Variants in C10orf88 observed in about 807,000 individuals in gnomAD.
The protein encoded by C10orf88 is chromosome 10 open reading frame 88, also known as ATPase PAAT.
A neutral mutation model predicts 34.2 loss-of-function variants in C10orf88; 29 were observed. The ratio of observed to expected loss-of-function variants is 0.85; its 90% confidence interval spans 0.63 to 1.16. The LOEUF (loss-of-function observed/expected upper bound fraction) is 1.16, where lower values mean the gene tolerates loss of function less well. C10orf88 is among the 50% of genes most tolerant of loss of function. The probability of loss-of-function intolerance (pLI) is 0.00; values close to 1 mark genes in which losing one functional copy is unlikely to be tolerated. For missense variants in C10orf88, 507 were observed against 533.2 expected, an observed-to-expected ratio of 0.95 and a Z score of 0.48; for synonymous variants, 194 against 197.4, an observed-to-expected ratio of 0.98 and a Z score of 0.15.
rs140044276 is a variant in C10orf88 at position 122,937,763 on chromosome 10, T to C, written c.1045A>G (p.Asn349Asp). The C allele has an allele frequency of 1.9e-6, 3 of 1,612,988 alleles. No individual in the cohort carries two copies. The highest frequency in any genetic ancestry group is 2.5e-6 in the Non-Finnish European group (3 of 1,179,276). Residue 349 changes from asparagine (N) to aspartate (D), a missense_variant, in exon 5 of 6, where the codon AAT becomes GAT. Transcript: ENST00000481909. ...CSQVNHLHVG[N>D]KTECQENITK... ...ATGTTTTCCTGACACTCGGTCTTATTTCCCACATGGAGATGATTAACTTGA... is the reference window on the plus strand; with the variant it reads ...ATGTTTTCCTGACACTCGGTCTTATCTCCCACATGGAGATGATTAACTTGA...
chr10:122,948,924 G>C (rs1848665557), intron 3 of C10orf88, 69 bp from the exon 4 acceptor site: 1 of 1,352,260 alleles, frequency 7.4e-7, no homozygotes. Context: ...TAACTTCTTG[G>C]TATGACCTAA....
At chr10:122,944,213 A>G (rs1405896517) in intron 4 of C10orf88, among the ~76,000 whole-genome samples, 1 of 152,022 alleles carries the variant, frequency 6.6e-6, no homozygotes, top group African/African-American at 2.4e-5. Flanking sequence ...TGGTGAGTTC[A>G]TGTCCTTTGT....
At chr10:122,941,354 G>T (rs1020510266) in intron 4 of C10orf88, among the ~76,000 whole-genome samples, 1 of 152,072 alleles carries the variant, frequency 6.6e-6, no homozygotes, top group Non-Finnish European at 1.5e-5. Flanking sequence ...AAATCACAAA[G>T]GTTTGGATTG....
chr10:122,943,794 T>C (rs1419135467), intron 4 of C10orf88, among the ~76,000 whole-genome samples: 1 of 152,186 alleles, frequency 6.6e-6, no homozygotes, highest in Non-Finnish European at 1.5e-5. Context: ...TCACTGGCCA[T>C]CAGAGAAACG....
Position 122,932,289 on chromosome 10 carries a change from C to G in C10orf88, c.*138G>C. On this transcript the variant is annotated 3_prime_UTR_variant, in exon 6 of 6. Coordinates refer to ENST00000481909, the MANE Select transcript of C10orf88 (RefSeq NM_024942.4). Reference sequence around the variant, plus strand: ...TTTAAAATAACAAGTGTAGTAAAAACGAAAACTGAGGTCACTTTGTGTAAG... The same window carrying G: ...TTTAAAATAACAAGTGTAGTAAAAAGGAAAACTGAGGTCACTTTGTGTAAG... 2 of 682,346 alleles carry G rather than the reference C, an allele frequency of 2.9e-6. No individual in the cohort carries two copies. Among genetic ancestry groups the G allele is most frequent in the East Asian group, 5.5e-5 (2 of 36,352 alleles). The allele number at this position is 682,346 out of a possible 1,614,324, so 42.3% of individuals were successfully genotyped here.
intron 3 of C10orf88, 138 bp downstream of exon 3, chr10:122,951,816 C>A: frequency 1.7e-6 from 1 of 580,518 alleles, no homozygotes. Flanking sequence ...GGCAACAGAG[C>A]AAGATACTGT....
At chr10:122,947,582 C>A (rs1038473123) in intron 4 of C10orf88, among the ~76,000 whole-genome samples, 26 of 152,300 alleles carry the variant, frequency 1.7e-4, no homozygotes, top group African/African-American at 6.0e-4. Context: ...CCGTCAGCTA[C>A]TGTGGGTACA....
chr10:122,952,845 T>A lies in C10orf88; in HGVS notation c.352A>T (p.Thr118Ser). 3 of 1,614,050 alleles carry A rather than the reference T, an allele frequency of 1.9e-6. No homozygotes were observed. Among genetic ancestry groups the A allele is most frequent in the Non-Finnish European group, 2.5e-6 (3 of 1,179,946 alleles). The change falls in exon 2 of 6, where the codon ACT (threonine) becomes TCT (serine). Residue 118 changes from threonine (T) to serine (S), a missense_variant. Physicochemically the swap from Thr to Ser is moderately conservative, Grantham distance 58. Coordinates refer to ENST00000481909, the MANE Select transcript of C10orf88 (RefSeq NM_024942.4). ...CGTSRGKNVC[T>S]VLDDSEHEKI... is the part of the protein sequence containing the mutation. ...GTCACACACCTGTCATCCAGGACAG[T>A]ACAAACATTCTTGCCCCTACTGGTT...
chr10:122,946,328 T>C (rs1036049634), intron 4 of C10orf88, among the ~76,000 whole-genome samples: 3 of 152,176 alleles, frequency 2.0e-5, no homozygotes, highest in Admixed American at 1.3e-4. Flanking sequence ...ATTTTTCATC[T>C]TGTATACTAT....
chr10:122,946,099 A>C (rs1848637416), intron 4 of C10orf88, among the ~76,000 whole-genome samples: 1 of 152,116 alleles, frequency 6.6e-6, no homozygotes, highest in African/African-American at 2.4e-5. Context: ...CTGTCGCAAA[A>C]AATAAAAAAA....
intron 4 of C10orf88, among the ~76,000 whole-genome samples, chr10:122,945,310 T>C (rs1030719180): frequency 6.6e-6 from 1 of 152,222 alleles, no homozygotes; most frequent in Non-Finnish European, 1.5e-5. Context: ...TGTACAATTA[T>C]GTATACTGTA....
intron 3 of C10orf88, 78 bp downstream of exon 3, chr10:122,951,876 C>G (rs1222103943): frequency 1.4e-5 from 12 of 877,036 alleles, no homozygotes; most frequent in African/African-American, 3.5e-5. Flanking sequence ...AATTGTATTA[C>G]TAATCCAAAA....
intron 2 of C10orf88, 23 bp from the exon 3 acceptor site, chr10:122,952,049 T>A: frequency 6.7e-6 from 8 of 1,191,178 alleles, no homozygotes; most frequent in Non-Finnish European, 9.6e-6. Flanking sequence ...AAGAATTAAT[T>A]TTTTTTACTT....
chr10:122,952,950 C>A lies in C10orf88; in HGVS notation c.247G>T (p.Gly83Ter), dbSNP rs1437512553. The A allele has an allele frequency of 6.2e-7, 1 of 1,614,074 alleles. No individual in the cohort carries two copies. Among genetic ancestry groups the A allele is most frequent in the Non-Finnish European group, 8.5e-7 (1 of 1,180,030 alleles). ...CCAATAGAAGCGATTTCTTCACCTC[C>A]ATCAGGGCCACACCTCAGGTAAAGG... ...CFLYLRCGPD[G>*]GEEIASIGIL... Residue 83 changes from glycine to a stop codon, truncating the protein, a stop_gained, in exon 2 of 6, where the codon GGA becomes TGA. Coordinates refer to ENST00000481909, the MANE Select transcript of C10orf88 (RefSeq NM_024942.4). LOFTEE classifies it high-confidence loss of function.
At chr10:122,941,366 A>C (rs1848579619) in intron 4 of C10orf88, among the ~76,000 whole-genome samples, 1 of 152,156 alleles carries the variant, frequency 6.6e-6, no homozygotes, top group South Asian at 2.1e-4. Flanking sequence ...TTTGGATTGC[A>C]TTTCAGACTC....
Position 122,937,767 on chromosome 10 carries a change from C to G in C10orf88, c.1041G>C (p.Val347=). ...TTTCCTGACACTCGGTCTTATTTCC[C>G]ACATGGAGATGATTAACTTGACTAC... The part of the protein sequence containing the change: ...NLCSQVNHLH[V]GNKTECQENI... Residue 347 remains valine, a synonymous_variant, in exon 5 of 6, where the codon GTG becomes GTC. Transcript: ENST00000481909. The G allele has an allele frequency of 1.9e-6, 3 of 1,612,972 alleles. No individual in the cohort carries two copies. In the South Asian group the frequency reaches 3.3e-5, roughly 18 times the overall value.
chr10:122,948,700 C>G lies in C10orf88; in HGVS notation c.597G>C (p.Lys199Asn). ...TCAACTGCTGAGCTCCAGGAGATAA[C>G]TTTGACCCCATGGACTCCATTATGG... ...VQTIMESMGSKLSPGAQQLMD... is the reference protein window; with the variant it reads ...VQTIMESMGSNLSPGAQQLMD... Residue 199 changes from lysine to asparagine, a missense_variant, in exon 4 of 6, where the codon AAG becomes AAC. Physicochemically the swap from Lys to Asn is moderately conservative, Grantham distance 94. Transcript: ENST00000481909. 1.9e-6 allele frequency: 3 copies of G among 1,613,986 alleles called. No individual in the cohort carries two copies. The highest frequency in any genetic ancestry group is 2.5e-6 in the Non-Finnish European group (3 of 1,179,900).
intron 1 of C10orf88, 107 bp from the exon 2 acceptor site, chr10:122,953,139 TC>T: frequency 1.1e-6 from 1 of 877,364 alleles, no homozygotes; most frequent in Non-Finnish European, 1.8e-6. Context: ...ATGCAGTGGC[TC>T]CATCTCGGCT....
In C10orf88 at chr10:122,932,711, A is replaced by C. The variant is rs780157124; in HGVS notation, c.1104-50T>G. On this transcript the variant is annotated intron_variant, in intron 5 of 5. Transcript: ENST00000481909. ...GTAAATTTTCCCTAATAACAAAAACAACCAAGCTTATAAAACAAGCAGCCA... is the reference window on the plus strand; with the variant it reads ...GTAAATTTTCCCTAATAACAAAAACCACCAAGCTTATAAAACAAGCAGCCA... 5.9e-5 allele frequency: 75 copies of C among 1,279,814 alleles called. 1 individual carries two copies. The highest frequency in any genetic ancestry group is 2.8e-4 in the South Asian group (20 of 72,426). 79.3% of individuals were successfully genotyped at this position (1,279,814 alleles called of 1,614,324 possible). A position where few individuals can be genotyped will look rare whatever the true frequency, so the allele number is the denominator to read the frequency against.
Sources: allele counts gnomAD v4.1 joint callset (sites outside exome capture counted in the v4.1 genomes callset), GRCh38; gene constraint gnomAD v4.1.1; transcripts MANE v1.5; gene names NCBI Gene and HGNC (gene_info 2026-07-23, HGNC 2026-07-21).